Variants in MGST2 observed in about 807,000 individuals in gnomAD.
The protein encoded by MGST2 is glutathione peroxidase MGST2.
A neutral mutation model predicts 16.6 loss-of-function variants in MGST2; 9 were observed. The ratio of observed to expected loss-of-function variants is 0.54; its 90% CI spans 0.33 to 0.95. The LOEUF (loss-of-function observed/expected upper bound fraction) is 0.95. Ranked by LOEUF, MGST2 falls within the 40% of genes least tolerant of loss-of-function variation. The pLI is 0.03. For missense variants in MGST2, 159 were observed against 175.1 expected (o/e 0.91, Z 0.52); for synonymous variants, 79 against 68.0 (o/e 1.16, Z -0.79).
intron 3 of MGST2, among the ~76,000 whole-genome samples, chr4:139,700,659 T>C (rs1727201827): frequency 6.6e-6 from 1 of 152,234 alleles, no homozygotes; most frequent in African/African-American, 2.4e-5. Context: ...CAACAACCCA[T>C]GCACCTTTTC....
chr4:139,709,875 C>G (rs955558250), intron 5 of MGST2, among the ~76,000 whole-genome samples: 1 of 152,204 alleles, frequency 6.6e-6, no homozygotes, highest in Non-Finnish European at 1.5e-5. Context: ...CAGTAATTAC[C>G]TCCACCTGTT....
intron 2 of MGST2, among the ~76,000 whole-genome samples, chr4:139,692,156 C>T (rs573262477): frequency 6.6e-6 from 1 of 152,280 alleles, no homozygotes; most frequent in African/African-American, 2.4e-5. Flanking sequence ...CAGTGACCAG[C>T]CACTTGTAGG....
chr4:139,743,010 C>T (rs1258010727), downstream of MGST2, among the ~76,000 whole-genome samples: 1 of 152,178 alleles, frequency 6.6e-6, no homozygotes, highest in Non-Finnish European at 1.5e-5. Flanking sequence ...ACCATGATAT[C>T]CCCTCAAATG....
At chr4:139,690,683 AG>A (rs1227702280) in intron 2 of MGST2, among the ~76,000 whole-genome samples, 2 of 152,158 alleles carry the variant, frequency 1.3e-5, no homozygotes, top group Non-Finnish European at 2.9e-5. Context: ...CAATCAGAAA[AG>A]TTTGGAGACT....
downstream of MGST2, chr4:139,705,868 A>G (rs1330448097): frequency 6.6e-6 from 1 of 152,140 alleles, no homozygotes; most frequent in Non-Finnish European, 1.5e-5. Flanking sequence ...TTGTCTGGCA[A>G]AATGCAGATG....
At chr4:139,689,479 C>G (rs555581225) in intron 2 of MGST2, among the ~76,000 whole-genome samples, 6 of 152,310 alleles carry the variant, frequency 3.9e-5, no homozygotes, top group Admixed American at 3.3e-4. Context: ...CAAGCCTTTT[C>G]TGAGCATATT....
chr4:139,730,421 C>G (rs1461680321), intron 5 of MGST2: 5 of 1,497,062 alleles, frequency 3.3e-6, no homozygotes, highest in Admixed American at 4.5e-5. Context: ...GTTACCTGTT[C>G]CGCCAAAATC....
intron 2 of MGST2, among the ~76,000 whole-genome samples, chr4:139,691,287 G>T (rs531066995): frequency 6.6e-6 from 1 of 152,244 alleles, no homozygotes; most frequent in Admixed American, 6.5e-5. Context: ...TTTTCCTGAG[G>T]ATCCCCTGTA....
In MGST2 at chr4:139,737,565, T is replaced by TA. The variant is rs1560776756; in HGVS notation, c.*49-2645dup. The stretch of plus-strand genomic sequence containing the variant: ...GCACCAAAATATGCATCATTTTTTT[T>TA]AATATGTTGTCTGGTACCCAAAATT... On this transcript the variant is annotated intron_variant, in intron 5 of 5. Coordinates refer to the MGST2 transcript ENST00000616265. Among the ~76,000 whole-genome samples, 5 of 152,110 alleles carry TA rather than the reference T, an allele frequency of 3.3e-5. No individual in the cohort carries two copies. The South Asian group carries it at 8.3e-4, about 25-fold the overall frequency.
chr4:139,714,620 G>A (rs976172069), intron 5 of MGST2, among the ~76,000 whole-genome samples: 18 of 152,212 alleles, frequency 1.2e-4, no homozygotes, highest in Admixed American at 4.6e-4. Flanking sequence ...TTGCCCTCAG[G>A]TGGGCCCTGT....
intron 2 of MGST2, among the ~76,000 whole-genome samples, chr4:139,691,389 T>C (rs1172918991): frequency 3.3e-5 from 5 of 152,146 alleles, no homozygotes; most frequent in Non-Finnish European, 4.4e-5. Flanking sequence ...ACTGACAGGA[T>C]TGTCAAGAAG....
At chr4:139,683,313 G>A (rs147377729) in intron 2 of MGST2, among the ~76,000 whole-genome samples, 33 of 152,330 alleles carry the variant, frequency 2.2e-4, no homozygotes, top group African/African-American at 6.7e-4. Context: ...AATGTGAAGT[G>A]TGAGAACAGT....
chr4:139,684,399 G>A (rs955420159), intron 2 of MGST2, among the ~76,000 whole-genome samples: 5 of 152,198 alleles, frequency 3.3e-5, no homozygotes, highest in Admixed American at 6.5e-5. Context: ...GAACAAAAGA[G>A]GACTGAGCCC....
chr4:139,747,780 G>A, the MGST2 span, among the ~76,000 whole-genome samples: 3 of 151,760 alleles, frequency 2.0e-5, no homozygotes, highest in African/African-American at 7.3e-5. Context: ...TAGGCTGGGC[G>A]TGGTGGCTCA....
At chr4:139,739,388 A>G (rs1729074719) in intron 5 of MGST2, among the ~76,000 whole-genome samples, 1 of 152,350 alleles carries the variant, frequency 6.6e-6, no homozygotes, top group Non-Finnish European at 1.5e-5. Flanking sequence ...CATAGTTACC[A>G]TAAGTCCCTC....
chr4:139,702,692 A>G (rs1173506174), intron 3 of MGST2, among the ~76,000 whole-genome samples: 3 of 152,044 alleles, frequency 2.0e-5, no homozygotes, highest in African/African-American at 7.2e-5. Flanking sequence ...GGGTAAATAC[A>G]TAGGAATGAG....
chr4:139,682,242 TAA>T (rs10711495), intron 2 of MGST2, among the ~76,000 whole-genome samples: 20,136 of 144,668 alleles, frequency 0.14, 2,025 homozygotes, highest in African/African-American at 0.29. Context: ...TAATTGGTGC[TAA>T]AAAAAAAAAA....
chr4:139,677,449 G>A (rs1731019274), intron 1 of MGST2, among the ~76,000 whole-genome samples: 1 of 151,934 alleles, frequency 6.6e-6, no homozygotes, highest in South Asian at 2.1e-4. Context: ...ATTCTTTTGA[G>A]TCCTTGATAA....
chr4:139,734,792 G>A (rs939030979), intron 5 of MGST2, among the ~76,000 whole-genome samples: 1 of 152,278 alleles, frequency 6.6e-6, no homozygotes, highest in African/African-American at 2.4e-5. Flanking sequence ...TTGGGTGAGA[G>A]GGGCCAGCCT....
Sources: allele counts gnomAD v4.1 joint callset (sites outside exome capture counted in the v4.1 genomes callset), GRCh38; gene constraint gnomAD v4.1.1; transcripts MANE v1.5; gene names NCBI Gene and HGNC (gene_info 2026-07-23, HGNC 2026-07-21).